Variants in MRPL3 observed in about 807,000 individuals in gnomAD.
The protein encoded by MRPL3 is large ribosomal subunit protein uL3m.
A neutral mutation model predicts 44.3 loss-of-function variants in MRPL3; 43 were observed. The observed-to-expected ratio is 0.97, with a 90% CI of 0.76 to 1.25. MRPL3 has a LOEUF of 1.25. MRPL3 is among the 50% of genes most tolerant of loss of function. The probability of loss-of-function intolerance (pLI) is 0.00; values close to 1 mark genes in which losing one functional copy is unlikely to be tolerated. For missense variants in MRPL3, 406 were observed against 427.6 expected (o/e 0.95, Z 0.45); for synonymous variants, 171 against 152.3 (o/e 1.12, Z -0.91).
chr3:131,498,344 C>A (rs1418485330), intron 3 of MRPL3, 67 bp from the exon 4 acceptor site: 5 of 989,204 alleles, frequency 5.1e-6, no homozygotes, highest in Non-Finnish European at 7.9e-6. Context: ...AAACCAGCCC[C>A]ATTGAGACCT....
At chr3:131,499,163 C>T (rs1934437770) in intron 3 of MRPL3, among the ~76,000 whole-genome samples, 1 of 152,150 alleles carries the variant, frequency 6.6e-6, no homozygotes, top group Non-Finnish European at 1.5e-5. Context: ...ATGTACTCTT[C>T]CATGTCTTAC....
intron 7 of MRPL3, 32 bp from the exon 8 acceptor site, chr3:131,469,805 A>AAAG: frequency 1.4e-6 from 2 of 1,429,114 alleles, no homozygotes; most frequent in Non-Finnish European, 2.0e-6. Flanking sequence ...AACACTTTTA[A>AAAG]GTACTATCAA....
intron 6 of MRPL3, chr3:131,487,421 A>T: frequency 3.0e-6 from 1 of 337,972 alleles, no homozygotes; most frequent in Non-Finnish European, 5.4e-6. Flanking sequence ...CACGTTGTGC[A>T]CATGTACCCT....
chr3:131,462,675 C>A lies in MRPL3; in HGVS notation c.*48G>T. 1 of 1,534,642 alleles carries A rather than the reference C, an allele frequency of 6.5e-7. No individual in the cohort carries two copies. Among genetic ancestry groups the A allele is most frequent in the Admixed American group, 1.8e-5 (1 of 54,464 alleles). On this transcript the variant is annotated 3_prime_UTR_variant, in exon 10 of 10. Transcript: ENST00000264995. Reference sequence around the variant, plus strand: ...TCTGGTGGTTATGATATCACTCTGGCTCATCGAAGCTCACAGAATATGTAA... The same window carrying A: ...TCTGGTGGTTATGATATCACTCTGGATCATCGAAGCTCACAGAATATGTAA...
rs753788762 is a variant in MRPL3, at chr3:131,498,249, G to A, written c.398C>T (p.Thr133Met). Residue 133 changes from threonine (T) to methionine (M), a missense_variant, in exon 4 of 10, where the codon ACG becomes ATG. Transcript: ENST00000264995. ...QVQDCHVLKY[T>M]SKENCNGKMA... ...TTTTCCATTACAGTTTTCCTTTGAC[G>A]TATATTTTAAGACATGACAGTCTTG... The A allele has an allele frequency of 1.6e-5, 25 of 1,610,066 alleles. No individual in the cohort carries two copies. The highest frequency in any genetic ancestry group is 1.2e-4 in the Admixed American group (7 of 59,916).
intron 2 of MRPL3, 51 bp downstream of exon 2, chr3:131,501,480 C>G (rs1407778072): frequency 1.4e-6 from 2 of 1,404,242 alleles, no homozygotes; most frequent in South Asian, 2.5e-5. Flanking sequence ...TAAATGTGTC[C>G]AGCCACACAG....
chr3:131,470,323 T>G (rs1933711065), intron 7 of MRPL3, among the ~76,000 whole-genome samples: 1 of 152,178 alleles, frequency 6.6e-6, no homozygotes, highest in Admixed American at 6.6e-5. Context: ...ATTTTGGCTC[T>G]GATAACGGGT....
chr3:131,499,149 T>C (rs143755989), intron 3 of MRPL3, among the ~76,000 whole-genome samples: 1 of 152,228 alleles, frequency 6.6e-6, no homozygotes, highest in African/African-American at 2.4e-5. Flanking sequence ...ATTTTATGCA[T>C]TTTATGTACT....
intron 6 of MRPL3, among the ~76,000 whole-genome samples, chr3:131,481,737 GATTA>G (rs1933993561): frequency 6.6e-6 from 1 of 152,130 alleles, no homozygotes; most frequent in Non-Finnish European, 1.5e-5. Context: ...ATTTAAGAGG[GATTA>G]ATTTTTACAA....
At chr3:131,476,927 GC>G (rs1178826760) in intron 6 of MRPL3, among the ~76,000 whole-genome samples, 1 of 152,172 alleles carries the variant, frequency 6.6e-6, no homozygotes, top group Non-Finnish European at 1.5e-5. Flanking sequence ...TAATGGGCAT[GC>G]CTTTTAGTTT....
rs770570889 is a variant in MRPL3, at chr3:131,500,477, G to T, written c.322C>A (p.Pro108Thr). Residue 108 changes from proline (P) to threonine (T), a missense_variant, in exon 3 of 10, where the codon CCT (proline) becomes ACT (threonine). By Grantham distance (38) the Pro-to-Thr change is conservative. Transcript: ENST00000264995. ...TTTTGACCATCCTTGGTCCATAAAG[G>T]CATCATGCCCAGCTTCAAGGCAATA... is the stretch of plus-strand genomic sequence containing the variant. ...GLIALKLGMM[P>T]LWTKDGQKHV... 1 of 1,613,826 alleles carries T rather than the reference G, an allele frequency of 6.2e-7. No individual in the cohort carries two copies. Among genetic ancestry groups the T allele is most frequent in the Non-Finnish European group, 8.5e-7 (1 of 1,179,876 alleles).
At chr3:131,474,794 C>T (rs1314941240) in intron 6 of MRPL3, among the ~76,000 whole-genome samples, 1 of 133,502 alleles carries the variant, frequency 7.5e-6, no homozygotes, top group Non-Finnish European at 1.6e-5. Flanking sequence ...TTTAAAGAGA[C>T]AGGGTCTTAC....
chr3:131,471,146 A>G, intron 7 of MRPL3, 25 bp downstream of exon 7: 1 of 1,490,128 alleles, frequency 6.7e-7, no homozygotes, highest in Non-Finnish European at 9.4e-7. Context: ...TTAGCATTAA[A>G]AAGAGCTTCA....
Position 131,469,330 on chromosome 3 carries a change from C to T in MRPL3, c.816+366G>A, listed in dbSNP as rs190923741. Among the ~76,000 whole-genome samples the T allele has an allele frequency of 1.5e-3, 230 of 151,774 alleles. 1 individual carries two copies. Among genetic ancestry groups the T allele is most frequent in the African/African-American group, 5.1e-3 (213 of 41,372 alleles). On this transcript the variant is annotated intron_variant, in intron 8 of 9. Coordinates refer to ENST00000264995, the MANE Select transcript of MRPL3 (RefSeq NM_007208.4). ...ATATGATGGCACAGCAACATACACA[C>T]GTAGAGAGCTTTTGTTAAATCTTTT...
intron 4 of MRPL3, among the ~76,000 whole-genome samples, chr3:131,493,874 A>T (rs1475870254): frequency 6.6e-6 from 1 of 152,246 alleles, no homozygotes; most frequent in East Asian, 1.9e-4. Flanking sequence ...GATGACACTG[A>T]TAATAACAAA....
At chr3:131,488,001 T>G (rs773305023) in intron 5 of MRPL3, among the ~76,000 whole-genome samples, 2 of 152,208 alleles carry the variant, frequency 1.3e-5, no homozygotes, top group Non-Finnish European at 2.9e-5. Flanking sequence ...ACATATAAAT[T>G]TGATGATTCT....
chr3:131,482,506 C>T (rs1934013929), intron 6 of MRPL3, among the ~76,000 whole-genome samples: 1 of 148,400 alleles, frequency 6.7e-6, no homozygotes, highest in Non-Finnish European at 1.5e-5. Context: ...CAGAGCAAGA[C>T]TCCGTCTCAA....
At chr3:131,501,070 A>G (rs2110717908) in intron 2 of MRPL3, among the ~76,000 whole-genome samples, 1 of 152,316 alleles carries the variant, frequency 6.6e-6, no homozygotes, top group South Asian at 2.1e-4. Flanking sequence ...CACACACTTA[A>G]TAGAAAAGGC....
chr3:131,480,764 A>C (rs1933965370), intron 6 of MRPL3, among the ~76,000 whole-genome samples: 1 of 152,250 alleles, frequency 6.6e-6, no homozygotes, highest in African/African-American at 2.4e-5. Flanking sequence ...AATGTTCTTC[A>C]ATAGATTAGA....
Sources: gnomAD v4.1 joint callset for allele counts (sites outside exome capture counted in the v4.1 genomes callset) on GRCh38, gnomAD v4.1.1 for gene constraint, MANE v1.5 for transcripts, NCBI Gene and HGNC (gene_info 2026-07-23, HGNC 2026-07-21) for gene names.